Variants in CUX1 observed in about 807,000 individuals in gnomAD.
CUX1 encodes protein CASP.
Under a neutral mutation model 158.8 loss-of-function variants are expected in CUX1, and 31 were observed. That is an observed-to-expected ratio of 0.20 (90% CI 0.15 to 0.26). CUX1 has a LOEUF of 0.26. Ranked by LOEUF, CUX1 falls within the 10% of genes least tolerant of loss-of-function variation. CUX1 has a pLI of 1.00. For missense variants in CUX1, 1,589 were observed against 2,014.6 expected (o/e 0.79, Z 4.04); for synonymous variants, 879 against 862.1 (o/e 1.02, Z -0.34).
chr7:101,864,912 A>T (rs1452822307), intron 1 of CUX1, among the ~76,000 whole-genome samples: 4 of 152,212 alleles, frequency 2.6e-5, no homozygotes, highest in African/African-American at 9.6e-5. Context: ...GTGCTTCATG[A>T]TATATTAATA....
At chr7:102,168,687 G>A (rs886809274) in intron 9 of CUX1, among the ~76,000 whole-genome samples, 4 of 151,160 alleles carry the variant, frequency 2.6e-5, no homozygotes, top group Non-Finnish European at 5.9e-5. Flanking sequence ...CTGTATGCAG[G>A]GCAAATAGAT....
At chr7:102,105,504 C>CTTTTTT (rs781922611) in intron 6 of CUX1, among the ~76,000 whole-genome samples, 8 of 85,878 alleles carry the variant, frequency 9.3e-5, no homozygotes, top group African/African-American at 2.4e-4. Flanking sequence ...CCATATAGAT[C>CTTTTTT]TTTTTTTTTT....
At chr7:101,890,726 C>T (rs1230090498) in intron 1 of CUX1, among the ~76,000 whole-genome samples, 1 of 152,112 alleles carries the variant, frequency 6.6e-6, no homozygotes, top group Admixed American at 6.5e-5. Flanking sequence ...CTTCCATTTT[C>T]TGAATTGTAT....
At chr7:101,887,436 A>C (rs1264342294) in intron 1 of CUX1, among the ~76,000 whole-genome samples, 1 of 151,942 alleles carries the variant, frequency 6.6e-6, no homozygotes, top group East Asian at 1.9e-4. Flanking sequence ...CCTCCTGAGT[A>C]GCTGGGACTA....
At chr7:102,037,190 G>A (rs988133074) in intron 3 of CUX1, among the ~76,000 whole-genome samples, 4 of 124,632 alleles carry the variant, frequency 3.2e-5, no homozygotes, top group Non-Finnish European at 7.5e-5. Flanking sequence ...GCAAGATCCT[G>A]TCTCAAACAG....
chr7:101,827,755 G>T (rs1260079697), intron 1 of CUX1, among the ~76,000 whole-genome samples: 1 of 152,154 alleles, frequency 6.6e-6, no homozygotes, highest in Non-Finnish European at 1.5e-5. Flanking sequence ...GTAAGCTAAA[G>T]AAAATGTTAT....
chr7:102,059,491 G>T (rs113257782), intron 3 of CUX1, among the ~76,000 whole-genome samples: 1 of 152,008 alleles, frequency 6.6e-6, no homozygotes, highest in Non-Finnish European at 1.5e-5. Context: ...AATTAGCTGG[G>T]CGTGGTGGCA....
chr7:101,866,971 T>A (rs1414839183), intron 1 of CUX1, among the ~76,000 whole-genome samples: 1 of 152,082 alleles, frequency 6.6e-6, no homozygotes, highest in Non-Finnish European at 1.5e-5. Context: ...CTGTAATCCC[T>A]GCGCTTTGGG....
Position 102,046,569 on chromosome 7 carries a change from A to ATTTTTTTTTTTTT in CUX1, c.189+18439_189+18451dup, listed in dbSNP as rs55753644. Among the ~76,000 whole-genome samples, 37 of 55,480 alleles carry ATTTTTTTTTTTTT rather than the reference A, an allele frequency of 6.7e-4. 3 individuals are homozygous for ATTTTTTTTTTTTT. Among genetic ancestry groups the ATTTTTTTTTTTTT allele is most frequent in the African/African-American group, 1.9e-3 (23 of 12,216 alleles). The allele number at this position is 55,480 out of a possible 152,430, so 36.4% of individuals were successfully genotyped here. ...CCTGTTCTGTTTTGGTTTGGTTTGG[A>ATTTTTTTTTTTTT]TTTTTTTTTTTTTTTTTTTTTTTTT... On this transcript the variant is annotated intron_variant, in intron 3 of 23. Coordinates refer to ENST00000292535, the MANE Select transcript of CUX1 (RefSeq NM_181552.4).
At chr7:101,827,388 C>G (rs1393311488) in intron 1 of CUX1, among the ~76,000 whole-genome samples, 2 of 152,112 alleles carry the variant, frequency 1.3e-5, no homozygotes, top group East Asian at 3.9e-4. Context: ...TGACTGCAGC[C>G]TGGACATCCG....
At chr7:101,938,861 T>G (rs1228122992) in intron 2 of CUX1, among the ~76,000 whole-genome samples, 1 of 151,482 alleles carries the variant, frequency 6.6e-6, no homozygotes, top group Non-Finnish European at 1.5e-5. Context: ...GCCAACATGG[T>G]GATACTTCGC....
At chr7:102,042,850 C>T (rs1462550446) in intron 3 of CUX1, among the ~76,000 whole-genome samples, 1 of 152,056 alleles carries the variant, frequency 6.6e-6, no homozygotes, top group Non-Finnish European at 1.5e-5. Flanking sequence ...AGTGCAGTGG[C>T]ATAATCAGGG....
In CUX1 at chr7:101,970,096, G is replaced by A. The variant is rs548168386; in HGVS notation, c.141+53871G>A. 1.9e-4 allele frequency among the ~76,000 whole-genome samples: 28 copies of A among 151,186 alleles called. No individual in the cohort carries two copies. In the East Asian group the frequency reaches 3.6e-3, roughly 19 times the overall value. ...AAATATTTGTATTTGGGTTTCAAAT[G>A]TGTGATAAGATGCTCTCTGTGGCAG... On this transcript the variant is annotated intron_variant, in intron 2 of 23. Transcript: ENST00000292535.
In CUX1 at chr7:102,081,581, G is replaced by T. The variant is rs782801926; in HGVS notation, c.268+11164G>T. Among the ~76,000 whole-genome samples the T allele has an allele frequency of 5.4e-5, 8 of 147,124 alleles. 1 individual carries two copies. The highest frequency in any genetic ancestry group is 1.2e-4 in the Non-Finnish European group (8 of 65,136). On this transcript the variant is annotated intron_variant, in intron 4 of 23. Coordinates refer to ENST00000292535, the MANE Select transcript of CUX1 (RefSeq NM_181552.4). ...TTCCTGAGGCCTCCCCAGCCATGTG[G>T]AACTGTGATTCCATTAAACCCCTTT... is the stretch of plus-strand genomic sequence containing the variant.
intron 2 of CUX1, among the ~76,000 whole-genome samples, chr7:101,946,267 G>C (rs372961525): frequency 1.3e-5 from 2 of 152,046 alleles, no homozygotes; most frequent in South Asian, 2.1e-4. Flanking sequence ...TGCTGGGCTC[G>C]ATGGCTCACG....
intron 1 of CUX1, among the ~76,000 whole-genome samples, chr7:101,860,743 T>TCCTC (rs1562938814): frequency 8.8e-6 from 1 of 113,340 alleles, no homozygotes; most frequent in Non-Finnish European, 1.9e-5. Context: ...CTCCCTTCCT[T>TCCTC]CCTTCCTTCC....
At chr7:101,955,490 TC>T (rs1248130423) in intron 2 of CUX1, among the ~76,000 whole-genome samples, 1 of 152,176 alleles carries the variant, frequency 6.6e-6, no homozygotes, top group Non-Finnish European at 1.5e-5. Flanking sequence ...GAGCTGGAGT[TC>T]CACCAGGTCT....
intron 20 of CUX1, among the ~76,000 whole-genome samples, chr7:102,219,784 G>T (rs1458205072): frequency 6.6e-6 from 1 of 152,194 alleles, no homozygotes; most frequent in African/African-American, 2.4e-5. Context: ...TTTGTTTCAA[G>T]CTCTTGCTAA....
intron 2 of CUX1, among the ~76,000 whole-genome samples, chr7:101,933,696 A>T (rs1294252210): frequency 1.3e-5 from 2 of 152,182 alleles, no homozygotes; most frequent in Admixed American, 6.5e-5. Flanking sequence ...TTTGATCATA[A>T]AGTGAAGATG....
Sources: allele counts gnomAD v4.1 joint callset (sites outside exome capture counted in the v4.1 genomes callset), GRCh38; gene constraint gnomAD v4.1.1; transcripts MANE v1.5; gene names NCBI Gene and HGNC (gene_info 2026-07-23, HGNC 2026-07-21).